The following GAS7 variants were observed in gnomAD, a reference collection of about 807,000 sequenced individuals.
GAS7 encodes growth arrest-specific protein 7.
In GAS7, 28 loss-of-function variants were observed where a neutral mutation model predicts 71.1. The observed-to-expected ratio is 0.39, with a 90% CI of 0.29 to 0.54. The LOEUF (loss-of-function observed/expected upper bound fraction) is 0.54. Among genes scored for constraint, GAS7 ranks in the 20% least tolerant of loss-of-function variants. GAS7 has a pLI of 0.62. For missense variants in GAS7, 436 were observed against 627.8 expected (o/e 0.69, Z 3.27); for synonymous variants, 258 against 245.8 (o/e 1.05, Z -0.46).
chr17:10,153,676 C>G (rs759999374), intron 1 of GAS7, among the ~76,000 whole-genome samples: 19 of 152,224 alleles, frequency 1.2e-4, no homozygotes, highest in Middle Eastern at 3.4e-3. Flanking sequence ...CATTCATTTA[C>G]TTTTCCTATT....
intron 2 of GAS7, among the ~76,000 whole-genome samples, chr17:10,012,401 C>A (rs1034896345): frequency 2.6e-5 from 4 of 152,282 alleles, no homozygotes; most frequent in African/African-American, 9.6e-5. Context: ...GATCCTTCCA[C>A]CTCAGCCTCC....
At chr17:10,157,150 A>G (rs2074211549) in intron 1 of GAS7, among the ~76,000 whole-genome samples, 1 of 152,096 alleles carries the variant, frequency 6.6e-6, no homozygotes, top group Non-Finnish European at 1.5e-5. Context: ...GATTTGACAC[A>G]TGGGACCCCT....
chr17:10,122,399 C>A (rs757604417), intron 1 of GAS7, among the ~76,000 whole-genome samples: 1 of 152,198 alleles, frequency 6.6e-6, no homozygotes, highest in Non-Finnish European at 1.5e-5. Flanking sequence ...GGCACTTTCC[C>A]AGTCAGTTTA....
chr17:10,151,902 T>C (rs1661320611), intron 1 of GAS7, among the ~76,000 whole-genome samples: 1 of 152,190 alleles, frequency 6.6e-6, no homozygotes, highest in South Asian at 2.1e-4. Context: ...AGTTTCCCTT[T>C]GTTAATGGAA....
chr17:10,024,817 T>G (rs891274149), intron 1 of GAS7, among the ~76,000 whole-genome samples: 6 of 152,136 alleles, frequency 3.9e-5, no homozygotes, highest in Non-Finnish European at 5.9e-5. Context: ...CGCTATTTCA[T>G]AAGTAATATC....
At position 9,917,300 on chromosome 17, in the gene GAS7, C is replaced by T. The variant is rs763841193; in HGVS notation, c.1359G>A (p.Pro453=). The change falls in exon 14 of 14, where the codon CCG becomes CCA. Residue 453 remains proline, a synonymous_variant. Transcript: ENST00000432992. ...PVDQLLRKVD[P]AKDRELWVRE... ...TGACCCACAGCTCCCTGTCTTTGGC[C>T]GGGTCCACTTTTCGAAGCAGCTGAT... 39 of 1,613,988 alleles carry T rather than the reference C, an allele frequency of 2.4e-5. No homozygotes were observed. The highest frequency in any genetic ancestry group is 4.5e-5 in the East Asian group (2 of 44,896).
At chr17:9,952,769 G>A (rs1227040612) in intron 5 of GAS7, among the ~76,000 whole-genome samples, 1 of 152,174 alleles carries the variant, frequency 6.6e-6, no homozygotes, top group East Asian at 1.9e-4. Context: ...AATCATTAAA[G>A]AAAGGCAAAT....
chr17:10,081,622 C>G (rs2073458270), intron 1 of GAS7, among the ~76,000 whole-genome samples: 1 of 152,148 alleles, frequency 6.6e-6, no homozygotes, highest in African/African-American at 2.4e-5. Flanking sequence ...AGAGAATGCA[C>G]AGGAAACCCA....
intron 1 of GAS7, among the ~76,000 whole-genome samples, chr17:10,196,498 A>G (rs2074541576): frequency 6.6e-6 from 1 of 152,196 alleles, no homozygotes; most frequent in East Asian, 1.9e-4. Flanking sequence ...ACCTTTGTAT[A>G]TGCCAGAGGA....
intron 1 of GAS7, among the ~76,000 whole-genome samples, chr17:10,152,299 C>A (rs2074172479): frequency 6.6e-6 from 1 of 152,172 alleles, no homozygotes; most frequent in South Asian, 2.1e-4. Flanking sequence ...CTGTACCAAT[C>A]CACTTTAGTC....
intron 4 of GAS7, among the ~76,000 whole-genome samples, chr17:9,967,001 A>C (rs2069742568): frequency 6.6e-6 from 1 of 152,122 alleles, no homozygotes; most frequent in South Asian, 2.1e-4. Context: ...CGCCCTCTCC[A>C]TATACTACAT....
chr17:10,154,978 A>C (rs977337905), intron 1 of GAS7, among the ~76,000 whole-genome samples: 3 of 150,620 alleles, frequency 2.0e-5, no homozygotes, highest in Non-Finnish European at 4.4e-5. Flanking sequence ...CACAGTCTGC[A>C]TGGGAACCTC....
chr17:10,102,206 A>G (rs974663204), intron 1 of GAS7, among the ~76,000 whole-genome samples: 1 of 15,760 alleles, frequency 6.3e-5, no homozygotes, highest in African/African-American at 3.1e-4. Flanking sequence ...GAGTGCCCGT[A>G]AAAAAAAAAA....
Position 9,926,704 on chromosome 17 carries a change from C to T in GAS7, c.951G>A (p.Lys317=). ...GAAGGTCGGCAATGTGGTGGTCGCA[C>T]TTCTTCATGTCTTTCTTGAAGTTCT... ...FRENFKKDMK[K]CDHHIADLRK... The change falls in exon 10 of 14, where the codon AAG becomes AAA. Residue 317 remains lysine, a synonymous_variant. Coordinates refer to ENST00000432992, the MANE Select transcript of GAS7 (RefSeq NM_201433.2). The surrounding 1 kb of genome is among the most constrained non-coding windows in gnomAD (Gnocchi z 5.0). 6.2e-7 allele frequency: 1 copy of T among 1,614,052 alleles called. No homozygotes were observed. Among genetic ancestry groups the T allele is most frequent in the Non-Finnish European group, 8.5e-7 (1 of 1,179,970 alleles).
intron 1 of GAS7, among the ~76,000 whole-genome samples, chr17:10,097,999 G>A (rs1253356687): frequency 6.6e-6 from 1 of 150,986 alleles, no homozygotes. Context: ...AGCCAAGATC[G>A]TGCCACTGCA....
At chr17:9,982,361 C>T (rs1019235829) in intron 2 of GAS7, among the ~76,000 whole-genome samples, 1 of 152,188 alleles carries the variant, frequency 6.6e-6, no homozygotes, top group Non-Finnish European at 1.5e-5. Flanking sequence ...GGCCCTCTGC[C>T]ACCTGGTGGT....
In GAS7 at chr17:10,098,857, G is replaced by A. The variant is rs1448083094; in HGVS notation, c.184-78960C>T. Among the ~76,000 whole-genome samples, 4 of 152,352 alleles carry A rather than the reference G, an allele frequency of 2.6e-5. No individual in the cohort carries two copies. The East Asian group carries it at 7.7e-4, about 29-fold the overall frequency. On this transcript the variant is annotated intron_variant, in intron 1 of 13. Coordinates refer to ENST00000432992, the MANE Select transcript of GAS7 (RefSeq NM_201433.2). Reference sequence around the variant, plus strand: ...ACCTGTAGTCCCAGCTACTTGGGAGGCTGAGGCAGAATGGCGTGAACCCGG... The same window carrying A: ...ACCTGTAGTCCCAGCTACTTGGGAGACTGAGGCAGAATGGCGTGAACCCGG...
chr17:9,966,147 C>T (rs533597683), intron 4 of GAS7, among the ~76,000 whole-genome samples: 41 of 151,954 alleles, frequency 2.7e-4, no homozygotes, highest in Middle Eastern at 3.4e-3. Context: ...TACAGGTGCC[C>T]GCCACCACGC....
At chr17:10,056,789 T>G (rs2073144179) in intron 1 of GAS7, among the ~76,000 whole-genome samples, 1 of 150,740 alleles carries the variant, frequency 6.6e-6, no homozygotes. Context: ...TCTCCCTCTC[T>G]TTCCACGGTC....
Sources: gnomAD v4.1 joint callset for allele counts (sites outside exome capture counted in the v4.1 genomes callset) on GRCh38, gnomAD v4.1.1 for gene constraint, Gnocchi (gnomAD v3.1) non-coding constraint, MANE v1.5 for transcripts, NCBI Gene and HGNC (gene_info 2026-07-23, HGNC 2026-07-21) for gene names.